CHRDL1: variants seen among roughly 807,000 people sequenced by gnomAD.
CHRDL1 encodes the protein chordin-like protein 1.
Under a neutral mutation model 40.9 loss-of-function variants are expected in CHRDL1, and 19 were observed. The ratio of observed to expected loss-of-function variants is 0.46; its 90% CI spans 0.32 to 0.68. The LOEUF is 0.68. Ranked by LOEUF, CHRDL1 falls within the 30% of genes least tolerant of loss-of-function variation. The pLI, the probability that CHRDL1 is intolerant of heterozygous loss-of-function variation, is 0.03. For missense variants in CHRDL1, 329 were observed against 352.1 expected (o/e 0.93, Z 0.53); for synonymous variants, 136 against 123.4 (o/e 1.10, Z -0.68).
At chrX:110,767,475 TA>T (rs760793822) in intron 2 of CHRDL1, among the ~76,000 whole-genome samples, 1 of 110,504 alleles carries the variant, frequency 9.0e-6, no homozygotes, top group African/African-American at 3.3e-5. Context: ...CTAAAACTGA[TA>T]AAAGAATTCA....
intron 7 of CHRDL1, among the ~76,000 whole-genome samples, chrX:110,696,817 T>G (rs903075438): frequency 1.8e-5 from 2 of 110,917 alleles, no homozygotes; most frequent in African/African-American, 6.6e-5. Context: ...CCCAAGAGAC[T>G]CTGGTTTGAA....
At chrX:110,676,713 C>T (rs1378813300) in intron 11 of CHRDL1, among the ~76,000 whole-genome samples, 1 of 111,148 alleles carries the variant, frequency 9.0e-6, no homozygotes, top group African/African-American at 3.3e-5. Flanking sequence ...GCTATTTAGG[C>T]AGCTTACTTG....
intron 8 of CHRDL1, among the ~76,000 whole-genome samples, chrX:110,693,621 C>T (rs1417347212): frequency 9.0e-6 from 1 of 111,342 alleles, no homozygotes; most frequent in Non-Finnish European, 1.9e-5. Context: ...TCCCAAAGTG[C>T]TGTGAGGCAT....
chrX:110,710,365 A>G (rs2070726025), intron 6 of CHRDL1, among the ~76,000 whole-genome samples: 1 of 111,999 alleles, frequency 8.9e-6, no homozygotes, highest in Non-Finnish European at 1.9e-5. Context: ...CCACCCATGA[A>G]GAAATAATTG....
intron 6 of CHRDL1, among the ~76,000 whole-genome samples, chrX:110,701,304 C>G (rs1382305365): frequency 9.0e-6 from 1 of 111,550 alleles, no homozygotes; most frequent in Non-Finnish European, 1.9e-5. Flanking sequence ...AGGATCATTT[C>G]CAAGAATATT....
intron 6 of CHRDL1, among the ~76,000 whole-genome samples, chrX:110,714,290 C>T (rs1030022418): frequency 1.8e-5 from 2 of 111,101 alleles, no homozygotes; most frequent in Non-Finnish European, 3.8e-5. Context: ...GACACATGCA[C>T]GCAAATGTTC....
Position 110,681,518 on chromosome X carries a change from G to T in CHRDL1, c.1120C>A (p.Pro374Thr), listed in dbSNP as rs1332564019. The T allele has an allele frequency of 2.5e-6, 3 of 1,209,677 alleles. No homozygotes were observed. Among genetic ancestry groups the T allele is most frequent in the Non-Finnish European group, 3.4e-6 (3 of 893,800 alleles). Residue 374 changes from proline to threonine, a missense_variant, in exon 10 of 12, where the codon CCT becomes ACT. Transcript: ENST00000372042. ...GTCCAAACGTGGACCTCTACCTGAG[G>T]TGGTCTCTCAGTCTCCAGTGCTATT... ...RKIALETERP[P>T]QVEVHVWTIR...
rs111533723 is a variant in CHRDL1, at chrX:110,700,653, C to T, written c.609+1G>A. On this transcript the variant is annotated splice_donor_variant, in intron 7 of 11. Transcript: ENST00000372042. LOFTEE classifies it high-confidence loss of function. ...GAATTATTTGAGCTATTCACACTTA[C>T]TGCTTCTCTGTTGGCAGGTTGCCGG... 8.6e-7 allele frequency: 1 copy of T among 1,161,712 alleles called. No homozygotes were observed. Among genetic ancestry groups the T allele is most frequent in the Non-Finnish European group, 1.2e-6 (1 of 849,975 alleles).
At chrX:110,785,959 C>A (rs1002687670) in intron 2 of CHRDL1, among the ~76,000 whole-genome samples, 8 of 112,094 alleles carry the variant, frequency 7.1e-5, no homozygotes, top group Non-Finnish European at 1.5e-4. Context: ...ATAGAAAGTC[C>A]TTTATTGAAT....
intron 2 of CHRDL1, among the ~76,000 whole-genome samples, chrX:110,774,570 C>T (rs2089817456): frequency 9.1e-6 from 1 of 110,338 alleles, no homozygotes; most frequent in Admixed American, 9.7e-5. Flanking sequence ...ATAGGATGAA[C>T]AAGTCTAAAG....
intron 6 of CHRDL1, among the ~76,000 whole-genome samples, chrX:110,719,062 T>C (rs765031392): frequency 9.0e-6 from 1 of 111,643 alleles, no homozygotes; most frequent in Non-Finnish European, 1.9e-5. Context: ...ACCCCAATTC[T>C]AGCACAATGC....
rs746036634 is a variant in CHRDL1, at chrX:110,726,854, G to C, written c.302-5324C>G. On this transcript the variant is annotated intron_variant, in intron 4 of 11. Transcript: ENST00000372042. ...TATGGTAGGTGCTATGGAGACATGA[G>C]TCAAAACACTATTTCTCTCTTGTTT... is the stretch of plus-strand genomic sequence containing the variant. Among the ~76,000 whole-genome samples the C allele has an allele frequency of 8.0e-5, 9 of 112,139 alleles. No individual in the cohort carries two copies. In the East Asian group the frequency reaches 2.5e-3, roughly 31 times the overall value.
intron 2 of CHRDL1, 58 bp downstream of exon 2, chrX:110,792,030 G>T: frequency 1.4e-6 from 1 of 729,963 alleles, no homozygotes; most frequent in Non-Finnish European, 2.1e-6. Flanking sequence ...ACAGATTATA[G>T]CCACATTTTC....
In CHRDL1 at chrX:110,758,122, C is replaced by A. The variant is rs867769976; in HGVS notation, c.301+1539G>T. Among the ~76,000 whole-genome samples the A allele has an allele frequency of 3.4e-3, 323 of 93,941 alleles. 1 individual carries two copies. Among genetic ancestry groups the A allele is most frequent in the Non-Finnish European group, 5.8e-3 (271 of 47,051 alleles). 81.6% of individuals were successfully genotyped at this position (93,941 alleles called of 115,157 possible). On this transcript the variant is annotated intron_variant, in intron 4 of 11. Transcript: ENST00000372042. ...AAAAACAAAAACAAAAAACAAAAAA[C>A]AAAAAAACAAAAAAAAAAAAAACAA...
Position 110,791,433 on chromosome X carries a change from C to T in CHRDL1, c.94+655G>A, listed in dbSNP as rs1381487343. Reference sequence around the variant, plus strand: ...GCAGCAAGGAGGGTTAATTATCCCCCCCGCCCCCACTTCCTGCCACTCTCT... The same window carrying T: ...GCAGCAAGGAGGGTTAATTATCCCCTCCGCCCCCACTTCCTGCCACTCTCT... On this transcript the variant is annotated intron_variant, in intron 2 of 11. Transcript: ENST00000372042. Among the ~76,000 whole-genome samples, 8 of 111,577 alleles carry T rather than the reference C, an allele frequency of 7.2e-5. No individual in the cohort carries two copies. The Admixed American group carries it at 7.6e-4, about 11-fold the overall frequency.
chrX:110,680,225 C>T (rs1044068236), intron 10 of CHRDL1, among the ~76,000 whole-genome samples: 38 of 111,449 alleles, frequency 3.4e-4, no homozygotes, highest in Non-Finnish European at 6.0e-4. Context: ...CTCTGAGAGG[C>T]GAAAGATGTG....
chrX:110,794,019 T>A (rs2090144044), intron 1 of CHRDL1, among the ~76,000 whole-genome samples: 1 of 112,313 alleles, frequency 8.9e-6, no homozygotes, highest in Admixed American at 9.4e-5. Context: ...AATGAATCGC[T>A]TTATAAATAT....
chrX:110,735,618 C>G (rs991365445), intron 4 of CHRDL1, among the ~76,000 whole-genome samples: 3 of 112,123 alleles, frequency 2.7e-5, no homozygotes, highest in African/African-American at 6.5e-5. Flanking sequence ...CTTTCATTAG[C>G]AAGCCCTATA....
chrX:110,707,623 C>A (rs1329124904), intron 6 of CHRDL1, among the ~76,000 whole-genome samples: 1 of 111,900 alleles, frequency 8.9e-6, no homozygotes, highest in Non-Finnish European at 1.9e-5. Context: ...CCCTTCCTTA[C>A]ACCTCATGCA....
Sources: allele counts gnomAD v4.1 joint callset (sites outside exome capture counted in the v4.1 genomes callset), GRCh38; gene constraint gnomAD v4.1.1; transcripts MANE v1.5; gene names NCBI Gene and HGNC (gene_info 2026-07-23, HGNC 2026-07-21).